SLC8A1: variants seen among roughly 807,000 people sequenced by gnomAD.
SLC8A1 encodes sodium/calcium exchanger 1.
In SLC8A1, 18 loss-of-function variants were observed where a neutral mutation model predicts 68.3. That is an observed-to-expected ratio of 0.26 (90% CI 0.18 to 0.39). The LOEUF (loss-of-function observed/expected upper bound fraction) is 0.39, where lower values mean the gene tolerates loss of function less well. Among genes scored for constraint, SLC8A1 ranks in the 10% least tolerant of loss-of-function variants. The pLI is 1.00. For synonymous variants in SLC8A1, 475 were observed against 415.5 expected (o/e 1.14, Z -1.74); for missense variants, 985 against 1,156.7 (o/e 0.85, Z 2.15).
chr2:40,325,891 G>A (rs1308519841), intron 2 of SLC8A1, among the ~76,000 whole-genome samples: 1 of 151,444 alleles, frequency 6.6e-6, no homozygotes, highest in Non-Finnish European at 1.5e-5. Flanking sequence ...ATCCTTTATA[G>A]GTTACCTAGA....
At chr2:40,316,449 G>T (rs761804276) in intron 2 of SLC8A1, among the ~76,000 whole-genome samples, 16 of 151,846 alleles carry the variant, frequency 1.1e-4, no homozygotes, top group Non-Finnish European at 2.1e-4. Flanking sequence ...CACAAAATTT[G>T]GTTAAATATT....
chr2:40,249,065 T>G (rs1451221857), intron 2 of SLC8A1, among the ~76,000 whole-genome samples: 1 of 152,202 alleles, frequency 6.6e-6, no homozygotes, highest in African/African-American at 2.4e-5. Context: ...GGGTCCTTTG[T>G]GTCCTGCTGC....
At chr2:40,330,608 T>C (rs1451456941) in intron 2 of SLC8A1, among the ~76,000 whole-genome samples, 1 of 152,154 alleles carries the variant, frequency 6.6e-6, no homozygotes, top group Non-Finnish European at 1.5e-5. Context: ...CATCAATAAA[T>C]TACTATTATA....
At chr2:40,128,926 G>A (rs1054565346) in intron 7 of SLC8A1, among the ~76,000 whole-genome samples, 1 of 152,148 alleles carries the variant, frequency 6.6e-6, no homozygotes, top group Non-Finnish European at 1.5e-5. Flanking sequence ...GTGAAAAATA[G>A]AGAAAAGTCA....
At chr2:40,418,381 G>T (rs1040446758) in intron 2 of SLC8A1, among the ~76,000 whole-genome samples, 50 of 152,070 alleles carry the variant, frequency 3.3e-4, no homozygotes, top group African/African-American at 1.2e-3. Flanking sequence ...CCCACAAAGG[G>T]TTCTTCTTTG....
At chr2:40,407,817 T>C (rs1690853839) in intron 2 of SLC8A1, among the ~76,000 whole-genome samples, 1 of 152,234 alleles carries the variant, frequency 6.6e-6, no homozygotes, top group South Asian at 2.1e-4. Flanking sequence ...GTAAAGGAGA[T>C]GGTCAAGAGG....
chr2:40,440,522 C>T (rs1433399706), intron 1 of SLC8A1, among the ~76,000 whole-genome samples: 1 of 151,944 alleles, frequency 6.6e-6, no homozygotes, highest in African/African-American at 2.4e-5. Context: ...TAGCAAAGTG[C>T]GAGGCACTGG....
chr2:40,468,178 C>T (rs560709458), intron 1 of SLC8A1, among the ~76,000 whole-genome samples: 1 of 152,206 alleles, frequency 6.6e-6, no homozygotes, highest in Non-Finnish European at 1.5e-5. Flanking sequence ...TATTATTTCC[C>T]TCCACTACTG....
At chr2:40,430,437 A>C in intron 1 of SLC8A1, 133 bp from the exon 2 acceptor site, 1 of 807,390 alleles carries the variant, frequency 1.2e-6, no homozygotes, top group Non-Finnish European at 1.9e-6. Flanking sequence ...CAAAACCGAA[A>C]TTTGTTTATA....
chr2:40,445,137 C>T (rs549021091), intron 1 of SLC8A1, among the ~76,000 whole-genome samples: 1 of 152,122 alleles, frequency 6.6e-6, no homozygotes, highest in East Asian at 1.9e-4. Flanking sequence ...AAACCACAAG[C>T]CTTTTTAATA....
chr2:40,349,111 G>T (rs1670264763), intron 2 of SLC8A1, among the ~76,000 whole-genome samples: 2 of 152,120 alleles, frequency 1.3e-5, no homozygotes, highest in African/African-American at 4.8e-5. Context: ...GGGGCTAACA[G>T]GGAAAGAATC....
chr2:40,379,910 G>T lies in SLC8A1; in HGVS notation c.1808+48563C>A, dbSNP rs1051733437. On this transcript the variant is annotated intron_variant, in intron 2 of 7. Coordinates refer to ENST00000406785, the Ensembl canonical transcript of SLC8A1. ...ACTTAATGGCTCACTCAAATATTTT[G>T]CCAATATGGAGCCATTAGGAAAGAG... Among the ~76,000 whole-genome samples the T allele has an allele frequency of 6.6e-5, 10 of 151,978 alleles. No homozygotes were observed. The South Asian group carries it at 1.5e-3, about 22-fold the overall frequency.
At chr2:40,327,753 C>T (rs2075994320) in intron 2 of SLC8A1, among the ~76,000 whole-genome samples, 2 of 151,950 alleles carry the variant, frequency 1.3e-5, no homozygotes, top group African/African-American at 4.8e-5. Context: ...CTGGGGACTC[C>T]AAAAGGAGGG....
At position 40,422,136 on chromosome 2, in the gene SLC8A1, G is replaced by T. The variant is rs116766690; in HGVS notation, c.1808+6337C>A. The stretch of plus-strand genomic sequence containing the variant: ...TTATCTCATATGCCACTTACCCACA[G>T]TACATTCAGCTATCTTCTCACCCTT... On this transcript the variant is annotated intron_variant, in intron 2 of 7. Transcript: ENST00000406785. Among the ~76,000 whole-genome samples the T allele has an allele frequency of 3.8e-3, 572 of 152,114 alleles. 1 individual carries two copies. Among genetic ancestry groups the T allele is most frequent in the Middle Eastern group, 0.014 (4 of 294 alleles).
intron 1 of SLC8A1, among the ~76,000 whole-genome samples, chr2:40,444,687 G>A (rs1461555477): frequency 6.6e-6 from 1 of 151,754 alleles, no homozygotes; most frequent in Non-Finnish European, 1.5e-5. Context: ...TAAAATTACT[G>A]GAAAAAAAAG....
chr2:40,463,859 C>T (rs974386202), intron 1 of SLC8A1, among the ~76,000 whole-genome samples: 14 of 144,924 alleles, frequency 9.7e-5, no homozygotes, highest in African/African-American at 2.3e-4. Flanking sequence ...CACACACACA[C>T]ACACACACAC....
At chr2:40,504,855 G>T (rs1464518178) in intron 1 of SLC8A1, among the ~76,000 whole-genome samples, 1 of 151,926 alleles carries the variant, frequency 6.6e-6, no homozygotes, top group Non-Finnish European at 1.5e-5. Context: ...GTACACTCTT[G>T]GTGGGAATGT....
intron 2 of SLC8A1, among the ~76,000 whole-genome samples, chr2:40,313,855 A>C (rs1282972904): frequency 6.6e-6 from 1 of 152,076 alleles, no homozygotes; most frequent in Non-Finnish European, 1.5e-5. Flanking sequence ...ATCTGCTCAA[A>C]TATTTGACCA....
At chr2:40,122,448 C>T (rs970600477) in intron 7 of SLC8A1, among the ~76,000 whole-genome samples, 1 of 152,172 alleles carries the variant, frequency 6.6e-6, no homozygotes. Context: ...ACATGACCTA[C>T]TTTTAGAAGA....
Sources: gnomAD v4.1 joint callset for allele counts (sites outside exome capture counted in the v4.1 genomes callset) on GRCh38, gnomAD v4.1.1 for gene constraint, MANE v1.5 for transcripts, NCBI Gene and HGNC (gene_info 2026-07-23, HGNC 2026-07-21) for gene names.